Variants in HACD2 observed in about 807,000 individuals in gnomAD.
HACD2 encodes very-long-chain (3R)-3-hydroxyacyl-CoA dehydratase 2.
Under a neutral mutation model 31.0 loss-of-function variants are expected in HACD2, and 15 were observed. The observed-to-expected ratio is 0.48, with a 90% CI of 0.32 to 0.75. The LOEUF is 0.75. Ranked by LOEUF, HACD2 falls within the 30% of genes least tolerant of loss-of-function variation. The pLI is 0.03. For synonymous variants in HACD2, 115 were observed against 122.2 expected (o/e 0.94, Z 0.39); for missense variants, 283 against 313.0 (o/e 0.90, Z 0.72).
chr3:123,561,488 A>G (rs557407048), intron 3 of HACD2, among the ~76,000 whole-genome samples: 1 of 152,306 alleles, frequency 6.6e-6, no homozygotes, highest in African/African-American at 2.4e-5. Flanking sequence ...ATTTTCTATC[A>G]AAAGAAAACT....
intron 2 of HACD2, among the ~76,000 whole-genome samples, chr3:123,580,033 G>A (rs2056949082): frequency 6.6e-6 from 1 of 152,046 alleles, no homozygotes; most frequent in Non-Finnish European, 1.5e-5. Context: ...CAGGCTTCCA[G>A]CTGGAAGCTC....
At chr3:123,535,283 T>C (rs1031329718) in intron 3 of HACD2, among the ~76,000 whole-genome samples, 25 of 152,210 alleles carry the variant, frequency 1.6e-4, no homozygotes, top group South Asian at 4.1e-4. Flanking sequence ...AGTAACCTTC[T>C]GTAGAGGCTT....
chr3:123,563,958 T>C (rs2056763545), intron 3 of HACD2, among the ~76,000 whole-genome samples: 1 of 152,192 alleles, frequency 6.6e-6, no homozygotes, highest in African/African-American at 2.4e-5. Flanking sequence ...AGATGAGACG[T>C]ACTGAGGTCC....
chr3:123,544,213 G>A (rs372305468), intron 3 of HACD2, among the ~76,000 whole-genome samples: 3 of 152,140 alleles, frequency 2.0e-5, no homozygotes, highest in African/African-American at 4.8e-5. Flanking sequence ...AACACTGCTC[G>A]CAGGAGGAGT....
chr3:123,536,560 G>A (rs2056428773), intron 3 of HACD2, among the ~76,000 whole-genome samples: 1 of 152,160 alleles, frequency 6.6e-6, no homozygotes, highest in African/African-American at 2.4e-5. Context: ...CAACGACGGG[G>A]ATGCAACATG....
intron 3 of HACD2, among the ~76,000 whole-genome samples, chr3:123,544,175 C>G (rs1441790268): frequency 6.6e-6 from 1 of 152,220 alleles, no homozygotes; most frequent in South Asian, 2.1e-4. Flanking sequence ...AAGAGCCTGT[C>G]GACAGCACAT....
intron 2 of HACD2, among the ~76,000 whole-genome samples, chr3:123,568,307 C>T (rs1031026375): frequency 6.6e-6 from 1 of 152,230 alleles, no homozygotes; most frequent in African/African-American, 2.4e-5. Flanking sequence ...CCAACCCTGT[C>T]TCCTGGGGAT....
rs1177216046 is a variant in HACD2, at chr3:123,518,025, TACTAAAAATA to T, written c.381+10351_381+10360del. ...GGCTAAAACGGTGAAACCCCGTCTCTACTAAAAATACAAAAAATTAGCCGGGCGTAGTGGC... is the reference window on the plus strand; with the variant it reads ...GGCTAAAACGGTGAAACCCCGTCTCTCAAAAAATTAGCCGGGCGTAGTGGC... On this transcript the variant is annotated intron_variant, in intron 4 of 6. Transcript: ENST00000383657. Among the ~76,000 whole-genome samples the T allele has an allele frequency of 3.5e-4, 3 of 8,460 alleles. 1 individual carries two copies. The highest frequency in any genetic ancestry group is 0.017 in the Non-Finnish European group (1 of 60). 5.6% of individuals were successfully genotyped at this position (8,460 alleles called of 152,430 possible). A position where few individuals can be genotyped will look rare whatever the true frequency, so the allele number is the denominator to read the frequency against.
chr3:123,569,922 G>A (rs2056834439), intron 2 of HACD2, among the ~76,000 whole-genome samples: 1 of 137,114 alleles, frequency 7.3e-6, no homozygotes, highest in African/African-American at 2.8e-5. Flanking sequence ...CCAGCAGACA[G>A]AGGTTGCAGT....
At chr3:123,517,855 C>T (rs1361724447) in intron 4 of HACD2, among the ~76,000 whole-genome samples, 1 of 152,210 alleles carries the variant, frequency 6.6e-6, no homozygotes, top group Non-Finnish European at 1.5e-5. Flanking sequence ...TGGTGACCTA[C>T]GGTCCCTGAC....
intron 3 of HACD2, among the ~76,000 whole-genome samples, chr3:123,548,163 G>A (rs937070328): frequency 9.2e-5 from 14 of 152,042 alleles, no homozygotes; most frequent in African/African-American, 2.7e-4. Context: ...CTGCTAGGGC[G>A]TGATGTGGGC....
At chr3:123,562,462 G>T (rs750393940) in intron 3 of HACD2, among the ~76,000 whole-genome samples, 21 of 151,948 alleles carry the variant, frequency 1.4e-4, no homozygotes, top group African/African-American at 4.8e-5. Context: ...GAATATGAAA[G>T]AGTTACATTT....
intron 3 of HACD2, among the ~76,000 whole-genome samples, chr3:123,539,543 C>A (rs1175580374): frequency 6.6e-6 from 1 of 152,030 alleles, no homozygotes; most frequent in Non-Finnish European, 1.5e-5. Context: ...ACACTCCAGC[C>A]TGGGCAACAG....
chr3:123,532,320 C>A (rs2056372291), intron 3 of HACD2, among the ~76,000 whole-genome samples: 1 of 152,158 alleles, frequency 6.6e-6, no homozygotes, highest in African/African-American at 2.4e-5. Context: ...GTAGCATAGA[C>A]AACTACTTCA....
At chr3:123,570,343 GTCAGATGTAC>G (rs1462827261) in intron 2 of HACD2, among the ~76,000 whole-genome samples, 1 of 152,122 alleles carries the variant, frequency 6.6e-6, no homozygotes, top group African/African-American at 2.4e-5. Flanking sequence ...TAATGATGTA[GTCAGATGTAC>G]ATAGTAAATT....
chr3:123,565,319 G>A (rs939565945), intron 3 of HACD2, among the ~76,000 whole-genome samples: 4 of 152,038 alleles, frequency 2.6e-5, no homozygotes, highest in Non-Finnish European at 4.4e-5. Flanking sequence ...GAATGTCTAC[G>A]TCCCTCCAAA....
Position 123,502,750 on chromosome 3 carries a change from C to T in HACD2, c.382-69G>A, listed in dbSNP as rs1433562287. On this transcript the variant is annotated intron_variant, in intron 4 of 6. Coordinates refer to ENST00000383657, the MANE Select transcript of HACD2 (RefSeq NM_198402.5). Reference sequence around the variant, plus strand: ...GTTAATGAAGACAGTGTGCAGCACCCGGCAGAGCCAGGGAGTGAGTCGGCA... The same window carrying T: ...GTTAATGAAGACAGTGTGCAGCACCTGGCAGAGCCAGGGAGTGAGTCGGCA... The T allele has an allele frequency of 1.3e-5, 19 of 1,510,318 alleles. No homozygotes were observed. The East Asian group carries it at 2.4e-4, about 19-fold the overall frequency. The allele number at this position is 1,510,318 out of a possible 1,614,324, so 93.6% of individuals were successfully genotyped here. A position where few individuals can be genotyped will look rare whatever the true frequency, so the allele number is the denominator to read the frequency against.
Position 123,580,690 on chromosome 3 carries a change from G to A in HACD2, c.273+1522C>T, listed in dbSNP as rs573046566. On this transcript the variant is annotated intron_variant, in intron 2 of 6. Coordinates refer to ENST00000383657, the MANE Select transcript of HACD2 (RefSeq NM_198402.5). ...CCCAGCTACTCTGCAAGCTGAGGTG[G>A]GAGGACTGCTTGGTCCCAGGAGTTC... is the stretch of plus-strand genomic sequence containing the variant. 9.6e-4 allele frequency among the ~76,000 whole-genome samples: 146 copies of A among 151,586 alleles called. 2 individuals carry two copies. The highest frequency in any genetic ancestry group is 3.4e-4 in the African/African-American group (14 of 41,360).
chr3:123,496,105 T>C (rs1126294), intron 6 of HACD2, among the ~76,000 whole-genome samples: 143,692 of 152,240 alleles, frequency 0.94, 68,360 homozygotes, highest in East Asian at 1. Flanking sequence ...TGGCTCATGG[T>C]CTGGACCTCC....
Sources: allele counts gnomAD v4.1 joint callset (sites outside exome capture counted in the v4.1 genomes callset), GRCh38; gene constraint gnomAD v4.1.1; transcripts MANE v1.5; gene names NCBI Gene and HGNC (gene_info 2026-07-23, HGNC 2026-07-21).